SND1: variants seen among roughly 807,000 people sequenced by gnomAD.
SND1 encodes staphylococcal nuclease domain-containing protein 1.
A neutral mutation model predicts 121.7 loss-of-function variants in SND1; 38 were observed. That is an observed-to-expected ratio of 0.31 (90% CI 0.24 to 0.41). SND1 has a LOEUF of 0.41. Among genes scored for constraint, SND1 ranks in the 10% least tolerant of loss-of-function variants. The pLI is 1.00. For missense variants in SND1, 868 were observed against 1,184.6 expected (o/e 0.73, Z 3.92); for synonymous variants, 401 against 447.4 (o/e 0.90, Z 1.31).
At chr7:127,756,838 T>C (rs1464536778) in intron 10 of SND1, among the ~76,000 whole-genome samples, 3 of 152,224 alleles carry the variant, frequency 2.0e-5, no homozygotes, top group Non-Finnish European at 2.9e-5. Context: ...TTTCAGGTTC[T>C]CTTCCTAATA....
intron 13 of SND1, among the ~76,000 whole-genome samples, chr7:127,896,974 T>C (rs1005363110): frequency 6.6e-6 from 1 of 152,160 alleles, no homozygotes; most frequent in Non-Finnish European, 1.5e-5. Context: ...TCAGGAGGAC[T>C]ATAGTTCAAA....
chr7:127,697,783 TG>T (rs888399907), intron 3 of SND1, among the ~76,000 whole-genome samples: 5 of 152,310 alleles, frequency 3.3e-5, no homozygotes, highest in African/African-American at 4.8e-5. Flanking sequence ...GTTGGGCTTG[TG>T]GGGCGGTGTA....
At chr7:127,833,681 T>TGA (rs149925222) in intron 11 of SND1, among the ~76,000 whole-genome samples, 43 of 149,288 alleles carry the variant, frequency 2.9e-4, no homozygotes, top group South Asian at 4.3e-4. Context: ...CCTGGGGGGT[T>TGA]GAGAGAGAGA....
chr7:127,940,232 C>T (rs1323109936), intron 15 of SND1, among the ~76,000 whole-genome samples: 1 of 152,130 alleles, frequency 6.6e-6, no homozygotes, highest in East Asian at 1.9e-4. Context: ...GCACCTGTCT[C>T]GTTGGTTGTG....
At chr7:127,802,437 C>G (rs1216398431) in intron 10 of SND1, among the ~76,000 whole-genome samples, 2 of 152,176 alleles carry the variant, frequency 1.3e-5, no homozygotes, top group Non-Finnish European at 2.9e-5. Context: ...TTAGCTAGAT[C>G]CAAAGTGCAA....
rs577610210 is a variant in SND1, at chr7:127,764,293, C to G, written c.1152+42893C>G. Among the ~76,000 whole-genome samples the G allele has an allele frequency of 2.0e-5, 3 of 152,320 alleles. No homozygotes were observed. The South Asian group carries it at 6.2e-4, about 32-fold the overall frequency. ...TTTGCCATAGGAGCTATCACCTACC[C>G]TGTGGCCATTCCCACACATTATGTG... On this transcript the variant is annotated intron_variant, in intron 10 of 23. Transcript: ENST00000354725.
intron 15 of SND1, among the ~76,000 whole-genome samples, chr7:127,951,882 T>C (rs950123868): frequency 3.9e-5 from 6 of 152,230 alleles, no homozygotes; most frequent in Non-Finnish European, 7.3e-5. Flanking sequence ...GCTTTCTTTC[T>C]TTTCCTGGAC....
chr7:127,990,192 C>A (rs1367211166), intron 15 of SND1, among the ~76,000 whole-genome samples: 1 of 152,118 alleles, frequency 6.6e-6, no homozygotes, highest in Admixed American at 6.5e-5. Context: ...CACACAGCAA[C>A]CTTAAGAAGC....
intron 16 of SND1, among the ~76,000 whole-genome samples, chr7:128,032,938 G>A (rs1792674494): frequency 6.6e-6 from 1 of 152,234 alleles, no homozygotes; most frequent in Non-Finnish European, 1.5e-5. Context: ...CAGCACAGAG[G>A]CCGGCAGGAA....
intron 15 of SND1, among the ~76,000 whole-genome samples, chr7:127,954,757 AG>A (rs2116860586): frequency 6.6e-6 from 1 of 152,284 alleles, no homozygotes; most frequent in South Asian, 2.1e-4. Flanking sequence ...TTGCTTGTTT[AG>A]GAGCAGAGCT....
chr7:128,028,814 G>A (rs761236240), intron 16 of SND1: 2 of 1,614,028 alleles, frequency 1.2e-6, no homozygotes, highest in South Asian at 2.2e-5. Flanking sequence ...CTGGTTTGTA[G>A]GTGTTGTAGT....
At position 127,652,362 on chromosome 7, in the gene SND1, G is replaced by C. The variant is rs1297896617; in HGVS notation, c.-12G>C. 1 of 1,572,116 alleles carries C rather than the reference G, an allele frequency of 6.4e-7. No homozygotes were observed. The highest frequency in any genetic ancestry group is 1.8e-5 in the Admixed American group (1 of 56,038). On this transcript the variant is annotated 5_prime_UTR_variant, in exon 1 of 24. Coordinates refer to ENST00000354725, the MANE Select transcript of SND1 (RefSeq NM_014390.4). ...GCCAGCCGCTCCACTCGTTGCCTTT[G>C]CATCTCCACACATGGCGTCCTCCGC...
intron 10 of SND1, among the ~76,000 whole-genome samples, chr7:127,780,970 A>G (rs992673698): frequency 1.3e-5 from 2 of 152,234 alleles, no homozygotes; most frequent in African/African-American, 2.4e-5. Context: ...GTTAGGCTGC[A>G]TTGCAGAGAC....
chr7:128,019,136 A>T (rs1418817256), intron 16 of SND1, among the ~76,000 whole-genome samples: 1 of 151,992 alleles, frequency 6.6e-6, no homozygotes, highest in Non-Finnish European at 1.5e-5. Context: ...GAGTTCATCA[A>T]CTCATCAGGA....
At chr7:127,844,459 T>C in intron 12 of SND1, 35 bp downstream of exon 12, 1 of 1,523,028 alleles carries the variant, frequency 6.6e-7, no homozygotes, top group Non-Finnish European at 9.1e-7. Context: ...TCAGCTGTCA[T>C]CTCAAGTAGC....
At chr7:127,853,055 G>A (rs1170587483) in intron 12 of SND1, among the ~76,000 whole-genome samples, 1 of 152,168 alleles carries the variant, frequency 6.6e-6, no homozygotes, top group African/African-American at 2.4e-5. Flanking sequence ...AGGGAGGCAG[G>A]TAGTATCAGA....
chr7:127,818,298 C>T (rs895650363), intron 11 of SND1, among the ~76,000 whole-genome samples: 1 of 152,100 alleles, frequency 6.6e-6, no homozygotes, highest in African/African-American at 2.4e-5. Context: ...AGTGTGAAGT[C>T]TTCATGAGGG....
chr7:127,879,160 T>A (rs944883211), intron 12 of SND1, among the ~76,000 whole-genome samples: 1 of 152,176 alleles, frequency 6.6e-6, no homozygotes, highest in African/African-American at 2.4e-5. Context: ...ATTTGCACAT[T>A]GCCCATTGTC....
intron 20 of SND1, 183 bp from the exon 21 acceptor site, chr7:128,086,755 C>T (rs1793693970): frequency 1.6e-5 from 10 of 638,274 alleles, no homozygotes; most frequent in Non-Finnish European, 2.8e-5. Context: ...ACCAGCAGGG[C>T]ACGTTCTCTC....
Sources: gnomAD v4.1 joint callset for allele counts (sites outside exome capture counted in the v4.1 genomes callset) on GRCh38, gnomAD v4.1.1 for gene constraint, MANE v1.5 for transcripts, NCBI Gene and HGNC (gene_info 2026-07-23, HGNC 2026-07-21) for gene names.